CCDC33: variants seen among roughly 807,000 people sequenced by gnomAD.
CCDC33 encodes the protein coiled-coil domain containing 33.
CCDC33 carries 94 observed loss-of-function variants against 91.9 expected under a neutral mutation model. The ratio of observed to expected loss-of-function variants is 1.02; its 90% CI spans 0.87 to 1.21. The LOEUF is 1.21. Ranked by LOEUF, CCDC33 falls within the 50% of genes most tolerant of loss-of-function variation. CCDC33 has a pLI of 0.00. For missense variants in CCDC33, 940 were observed against 935.5 expected (o/e 1.00, Z -0.06); for synonymous variants, 396 against 374.5 (o/e 1.06, Z -0.66).
intron 10 of CCDC33, among the ~76,000 whole-genome samples, chr15:74,295,406 C>T (rs909300391): frequency 6.6e-6 from 1 of 152,108 alleles, no homozygotes; most frequent in African/African-American, 2.4e-5. Context: ...ATAGAGTGGG[C>T]CTCTATCTCA....
upstream of CCDC33, among the ~76,000 whole-genome samples, chr15:74,215,093 C>T (rs539913728): frequency 6.6e-6 from 1 of 152,180 alleles, no homozygotes; most frequent in South Asian, 2.1e-4. Context: ...GTCACTAACC[C>T]GGGTCACAGG....
chr15:74,335,745 G>A (rs1387672530), intron 18 of CCDC33, 180 bp from the exon 19 acceptor site: 2 of 601,324 alleles, frequency 3.3e-6, no homozygotes, highest in Non-Finnish European at 6.0e-6. Flanking sequence ...CTGAGCCCTG[G>A]GGACCCTTGG....
chr15:74,335,164 G>A, intron 18 of CCDC33, 76 bp downstream of exon 18: 1 of 1,171,704 alleles, frequency 8.5e-7, no homozygotes, highest in East Asian at 2.3e-5. Flanking sequence ...CAAAGTCACT[G>A]GGCCCTGAGA....
At chr15:74,241,599 G>T (rs1885595078) in intron 1 of CCDC33, among the ~76,000 whole-genome samples, 1 of 152,228 alleles carries the variant, frequency 6.6e-6, no homozygotes, top group Non-Finnish European at 1.5e-5. Flanking sequence ...GCTACTTCAG[G>T]GTTCTGAGCA....
intron 7 of CCDC33, among the ~76,000 whole-genome samples, chr15:74,276,626 C>T (rs552647938): frequency 6.6e-6 from 1 of 152,350 alleles, no homozygotes; most frequent in South Asian, 2.1e-4. Flanking sequence ...CCCCCTGTTA[C>T]TATCACGACA....
intron 2 of CCDC33, among the ~76,000 whole-genome samples, chr15:74,230,856 G>C (rs911628232): frequency 3.3e-5 from 5 of 152,204 alleles, no homozygotes; most frequent in Admixed American, 2.0e-4. Context: ...GGATCAGGGG[G>C]TTTGCCCAAA....
chr15:74,207,652 G>T, intron 1 of CCDC33: 1 of 1,505,662 alleles, frequency 6.6e-7, no homozygotes, highest in South Asian at 1.2e-5. Context: ...AAGAGAACAC[G>T]CAAGAGAGGC....
chr15:74,336,188 C>A (rs767717802), downstream of CCDC33: 1 of 1,454,296 alleles, frequency 6.9e-7, no homozygotes, highest in Non-Finnish European at 9.1e-7. Flanking sequence ...GCCCTGCTTC[C>A]TCCTCCTAGA....
intron 5 of CCDC33, among the ~76,000 whole-genome samples, chr15:74,270,767 T>G (rs2076292207): frequency 6.6e-6 from 1 of 152,094 alleles, no homozygotes; most frequent in Admixed American, 6.5e-5. Flanking sequence ...TGCCTTCCAG[T>G]GTCCCCCAGG....
upstream of CCDC33, among the ~76,000 whole-genome samples, chr15:74,234,304 C>A (rs1247757993): frequency 6.6e-6 from 1 of 152,232 alleles, no homozygotes; most frequent in Non-Finnish European, 1.5e-5. Context: ...TTAATCATTC[C>A]CTGCTCTCCC....
In CCDC33 at chr15:74,218,581, A is replaced by G; in HGVS notation, c.395A>G (p.Gln132Arg). The stretch of plus-strand genomic sequence containing the variant: ...GACGAACCCTTGGGACGGGCAGCCC[A>G]GCGGGTGGGTGAGGCCATCTTCCCC... The change falls in exon 2 of 3, where the codon CAG becomes CGG. Residue 132 changes from glutamine to arginine, a missense_variant. Transcript: ENST00000635913. This position sits in a 1 kb window ranked among gnomAD's most constrained non-coding sequence, Gnocchi z 4.8. The G allele has an allele frequency of 7.8e-7, 1 of 1,289,826 alleles. No individual in the cohort carries two copies. Among genetic ancestry groups the G allele is most frequent in the Non-Finnish European group, 1.0e-6 (1 of 988,864 alleles). 79.9% of individuals were successfully genotyped at this position (1,289,826 alleles called of 1,614,324 possible). A position where few individuals can be genotyped will look rare whatever the true frequency, so the allele number is the denominator to read the frequency against.
chr15:74,312,911 C>T (rs1053594247), intron 11 of CCDC33, among the ~76,000 whole-genome samples: 1 of 152,208 alleles, frequency 6.6e-6, no homozygotes, highest in East Asian at 1.9e-4. Context: ...TCTGACCCCA[C>T]CAGGCAGGGC....
chr15:74,207,686 A>G, intron 1 of CCDC33: 1 of 1,535,412 alleles, frequency 6.5e-7, no homozygotes, highest in East Asian at 2.4e-5. Context: ...GGGGATGGCC[A>G]CTGTGCCCAC....
chr15:74,288,570 C>T (rs2059523397), intron 10 of CCDC33, among the ~76,000 whole-genome samples: 1 of 152,214 alleles, frequency 6.6e-6, no homozygotes, highest in Non-Finnish European at 1.5e-5. Flanking sequence ...CCAACTCTGG[C>T]ACATCAGTAA....
At chr15:74,263,823 T>C (rs1410403302) in intron 3 of CCDC33, among the ~76,000 whole-genome samples, 2 of 152,140 alleles carry the variant, frequency 1.3e-5, no homozygotes, top group African/African-American at 4.8e-5. Flanking sequence ...AGTGTGGTTA[T>C]ATGTGTGTCT....
chr15:74,263,904 T>G (rs2076095608), intron 3 of CCDC33, among the ~76,000 whole-genome samples: 1 of 152,160 alleles, frequency 6.6e-6, no homozygotes, highest in Non-Finnish European at 1.5e-5. Context: ...TGGCTCTGTG[T>G]GTATGCATGC....
chr15:74,291,764 C>T (rs2059589165), intron 10 of CCDC33, among the ~76,000 whole-genome samples: 1 of 152,178 alleles, frequency 6.6e-6, no homozygotes, highest in Admixed American at 6.5e-5. Context: ...AGGAGGAAGG[C>T]AGAGGATGTT....
intron 10 of CCDC33, among the ~76,000 whole-genome samples, chr15:74,289,423 G>A (rs183789738): frequency 1.3e-5 from 2 of 152,288 alleles, no homozygotes; most frequent in East Asian, 3.9e-4. Flanking sequence ...CATCTCAAAT[G>A]TCTCACCAGG....
intron 13 of CCDC33, 54 bp downstream of exon 13, chr15:74,330,805 G>T: frequency 6.5e-7 from 1 of 1,549,158 alleles, no homozygotes. Context: ...GGGGAGCATC[G>T]GGGTGAGAAG....
Sources: gnomAD v4.1 joint callset for allele counts (sites outside exome capture counted in the v4.1 genomes callset) on GRCh38, gnomAD v4.1.1 for gene constraint, Gnocchi (gnomAD v3.1) non-coding constraint, MANE v1.5 for transcripts, NCBI Gene and HGNC (gene_info 2026-07-23, HGNC 2026-07-21) for gene names.